Variants in PRMT1 observed in about 807,000 individuals in gnomAD.
The protein encoded by PRMT1 is protein arginine N-methyltransferase 1.
In PRMT1, 5 loss-of-function variants were observed where a neutral mutation model predicts 47.4. That is an observed-to-expected ratio of 0.11 (90% confidence interval 0.06 to 0.22). The LOEUF (loss-of-function observed/expected upper bound fraction) is 0.22. PRMT1 is among the 10% of genes least tolerant of loss of function. The probability of loss-of-function intolerance (pLI) is 1.00; values close to 1 mark genes in which losing one functional copy is unlikely to be tolerated. For missense variants in PRMT1, 249 were observed against 518.4 expected (o/e 0.48, Z 5.05); for synonymous variants, 227 against 204.6 (o/e 1.11, Z -0.94).
chr19:49,680,144 C>G lies in PRMT1; in HGVS notation c.90+219C>G, dbSNP rs757647605. 27 of 1,445,802 alleles carry G rather than the reference C, an allele frequency of 1.9e-5. No individual in the cohort carries two copies. In the South Asian group the frequency reaches 2.7e-4, roughly 14 times the overall value. 89.6% of individuals were successfully genotyped at this position (1,445,802 alleles called of 1,614,324 possible). A position where few individuals can be genotyped will look rare whatever the true frequency, so the allele number is the denominator to read the frequency against. On this transcript the variant is annotated intron_variant, in intron 2 of 10. Transcript: ENST00000454376. This position sits in a 1 kb window ranked among gnomAD's most constrained non-coding sequence, Gnocchi z 4.2. ...TTCCTTAACTCCACCTCCAACCCCCCTTTGCCCTTCCCTGTGTCTGCCCCC... is the reference window on the plus strand; with the variant it reads ...TTCCTTAACTCCACCTCCAACCCCCGTTTGCCCTTCCCTGTGTCTGCCCCC...
chr19:49,677,131 A>G, upstream of PRMT1: 1 of 620,668 alleles, frequency 1.6e-6, no homozygotes, highest in Non-Finnish European at 2.4e-6. Context: ...ACTAGACGGT[A>G]TTCTCAGACG....
At chr19:49,678,339 G>C (rs1368487889) in intron 1 of PRMT1, 1 of 152,400 alleles carries the variant, frequency 6.6e-6, no homozygotes, top group East Asian at 1.9e-4. Flanking sequence ...CCTGAGAGTG[G>C]GTGCCTGAAA....
At chr19:49,679,639 G>A (rs995680368) in intron 1 of PRMT1, 1 of 696,128 alleles carries the variant, frequency 1.4e-6, no homozygotes. Context: ...GTGGGGGTGG[G>A]CCACCATCTC....
At chr19:49,676,866 A>G (rs1186537244), upstream of PRMT1, among the ~76,000 whole-genome samples, 2 of 152,164 alleles carry the variant, frequency 1.3e-5, no homozygotes, top group Admixed American at 6.5e-5. Context: ...AATGGCAGCG[A>G]TTAGGAGGCG....
chr19:49,682,433 AG>A (rs2082132973), intron 5 of PRMT1, among the ~76,000 whole-genome samples, 174 bp downstream of exon 5: 1 of 152,184 alleles, frequency 6.6e-6, no homozygotes, highest in African/African-American at 2.4e-5. Flanking sequence ...TCACAGGCTT[AG>A]CACCGCAGTC....
At chr19:49,683,338 G>C (rs574630893) in intron 5 of PRMT1, among the ~76,000 whole-genome samples, 1 of 152,144 alleles carries the variant, frequency 6.6e-6, no homozygotes, top group African/African-American at 2.4e-5. Context: ...AATAGATAAA[G>C]GCTGTTTTGA....
In PRMT1 at chr19:49,684,130, A is replaced by C. The variant is rs1262188104; in HGVS notation, c.555+61A>C. 1 of 1,597,216 alleles carries C rather than the reference A, an allele frequency of 6.3e-7. No individual in the cohort carries two copies. Among genetic ancestry groups the C allele is most frequent in the South Asian group, 1.1e-5 (1 of 89,996 alleles). Reference sequence around the variant, plus strand: ...GCTGGGGTCCAGGTAGAAGACGAAAACCACGCTCAATTTTTCCCACAGACG... The same window carrying C: ...GCTGGGGTCCAGGTAGAAGACGAAACCCACGCTCAATTTTTCCCACAGACG... On this transcript the variant is annotated intron_variant, in intron 6 of 10. Coordinates refer to ENST00000454376, the MANE Select transcript of PRMT1 (RefSeq NM_001536.6). This position sits in a 1 kb window ranked among gnomAD's most constrained non-coding sequence, Gnocchi z 6.2.
chr19:49,677,001 T>A, upstream of PRMT1: 1 of 373,828 alleles, frequency 2.7e-6, no homozygotes, highest in Non-Finnish European at 4.8e-6. Context: ...CAATCACCAG[T>A]CGCGCTTCTT....
intron 5 of PRMT1, among the ~76,000 whole-genome samples, chr19:49,683,131 C>G (rs2082145402): frequency 6.6e-6 from 1 of 150,572 alleles, no homozygotes; most frequent in African/African-American, 2.4e-5. Context: ...GTTGGCCAGG[C>G]TGGTCTTGAA....
chr19:49,678,882 C>CTT (rs777584653), intron 1 of PRMT1, among the ~76,000 whole-genome samples: 39 of 132,748 alleles, frequency 2.9e-4, no homozygotes, highest in African/African-American at 4.8e-4. Flanking sequence ...CCCCAAGCCA[C>CTT]TTTTTTTTTT....
chr19:49,685,457 C>T lies in PRMT1; in HGVS notation c.759+420C>T, dbSNP rs1135349. ...CCTGGGAGTTCAAGGCTGCAGTGAGCTGTGATCACATCACTGCACTCCAGC... is the reference window on the plus strand; with the variant it reads ...CCTGGGAGTTCAAGGCTGCAGTGAGTTGTGATCACATCACTGCACTCCAGC... On this transcript the variant is annotated intron_variant, in intron 8 of 10. Coordinates refer to ENST00000454376, the MANE Select transcript of PRMT1 (RefSeq NM_001536.6). The surrounding 1 kb of genome is among the most constrained non-coding windows in gnomAD (Gnocchi z 4.7). The T allele has an allele frequency of 4.8e-4, 551 of 1,142,540 alleles. 1 individual carries two copies. The highest frequency in any genetic ancestry group is 1.8e-3 in the African/African-American group (110 of 61,558). The allele number at this position is 1,142,540 out of a possible 1,614,324, so 70.8% of individuals were successfully genotyped here.
chr19:49,680,078 G>A lies in PRMT1; in HGVS notation c.90+153G>A. 9.1e-7 allele frequency: 1 copy of A among 1,092,974 alleles called. No homozygotes were observed. The highest frequency in any genetic ancestry group is 1.4e-6 in the Non-Finnish European group (1 of 735,792). The allele number at this position is 1,092,974 out of a possible 1,614,324, so 67.7% of individuals were successfully genotyped here. A position where few individuals can be genotyped will look rare whatever the true frequency, so the allele number is the denominator to read the frequency against. The stretch of plus-strand genomic sequence containing the variant: ...CAGACACTTAGTAGCAACCCCTCCA[G>A]GTTCACAGCCCCCGCTGGCCTCCCC... On this transcript the variant is annotated intron_variant, in intron 2 of 10. Coordinates refer to ENST00000454376, the MANE Select transcript of PRMT1 (RefSeq NM_001536.6). This position sits in a 1 kb window ranked among gnomAD's most constrained non-coding sequence, Gnocchi z 4.2.
At chr19:49,682,965 T>A (rs996895844) in intron 5 of PRMT1, among the ~76,000 whole-genome samples, 1 of 152,038 alleles carries the variant, frequency 6.6e-6, no homozygotes, top group Non-Finnish European at 1.5e-5. Flanking sequence ...TTTTTGTTTT[T>A]TTAGTAGAGA....
chr19:49,679,396 A>G (rs1568484847), intron 1 of PRMT1, among the ~76,000 whole-genome samples: 3 of 152,176 alleles, frequency 2.0e-5, no homozygotes, highest in Admixed American at 6.5e-5. Context: ...ATCCTCTCAG[A>G]CATGAGACTG....
chr19:49,679,957 C>G (rs1459592716), intron 2 of PRMT1, 32 bp downstream of exon 2: 4 of 1,579,462 alleles, frequency 2.5e-6, no homozygotes, highest in Non-Finnish European at 2.6e-6. Context: ...CCCTCCCCAC[C>G]CTGACCTCCA....
At position 49,685,333 on chromosome 19, in the gene PRMT1, G is replaced by A. The variant is rs2082189074; in HGVS notation, c.759+296G>A. The stretch of plus-strand genomic sequence containing the variant: ...GAAAGGCAGGACCCCAGGGCGATGA[G>A]CGGATGCACATGCACGCGGGCCACT... On this transcript the variant is annotated intron_variant, in intron 8 of 10. Coordinates refer to ENST00000454376, the MANE Select transcript of PRMT1 (RefSeq NM_001536.6). This position sits in a 1 kb window ranked among gnomAD's most constrained non-coding sequence, Gnocchi z 4.7. 2 of 1,330,730 alleles carry A rather than the reference G, an allele frequency of 1.5e-6. No homozygotes were observed. The highest frequency in any genetic ancestry group is 3.0e-5 in the African/African-American group (2 of 67,414). 82.4% of individuals were successfully genotyped at this position (1,330,730 alleles called of 1,614,324 possible). A position where few individuals can be genotyped will look rare whatever the true frequency, so the allele number is the denominator to read the frequency against.
At chr19:49,677,255 C>G, upstream of PRMT1, 2 of 1,417,464 alleles carry the variant, frequency 1.4e-6, no homozygotes, top group Admixed American at 2.7e-5. Flanking sequence ...TCTTGGCGGC[C>G]GGAGGAGGAG....
chr19:49,677,653 A>G, intron 1 of PRMT1: 1 of 222,140 alleles, frequency 4.5e-6, no homozygotes, highest in Non-Finnish European at 8.8e-6. Flanking sequence ...CACGTGCGGG[A>G]CAAAGGCCCC....
chr19:49,688,101 ACC>A lies in PRMT1; in HGVS notation c.1033-59_1033-58del, dbSNP rs376856815. The A allele has an allele frequency of 6.9e-7, 1 of 1,444,426 alleles. No individual in the cohort carries two copies. Among genetic ancestry groups the A allele is most frequent in the African/African-American group, 1.4e-5 (1 of 69,376 alleles). The allele number at this position is 1,444,426 out of a possible 1,614,324, so 89.5% of individuals were successfully genotyped here. Reference sequence around the variant, plus strand: ...GCTCATCGTCGCATAGCCTGCCTGCACCCGCCCCCCGCCACCACCTCCTGGTG... The same window carrying A: ...GCTCATCGTCGCATAGCCTGCCTGCACGCCCCCCGCCACCACCTCCTGGTG... On this transcript the variant is annotated intron_variant, in intron 10 of 10. Coordinates refer to ENST00000454376, the MANE Select transcript of PRMT1 (RefSeq NM_001536.6). This position sits in a 1 kb window ranked among gnomAD's most constrained non-coding sequence, Gnocchi z 5.3.
Sources: allele counts gnomAD v4.1 joint callset (sites outside exome capture counted in the v4.1 genomes callset), GRCh38; gene constraint gnomAD v4.1.1; non-coding constraint Gnocchi (gnomAD v3.1); transcripts MANE v1.5; gene names NCBI Gene and HGNC (gene_info 2026-07-23, HGNC 2026-07-21).